The following GAS2 variants were observed in gnomAD, a reference collection of about 807,000 sequenced individuals.
GAS2 encodes the protein growth arrest specific 2.
Under a neutral mutation model 37.5 loss-of-function variants are expected in GAS2, and 20 were observed. The ratio of observed to expected loss-of-function variants is 0.53; its 90% confidence interval spans 0.37 to 0.77. The LOEUF is 0.77. Ranked by LOEUF, GAS2 falls within the 30% of genes least tolerant of loss-of-function variation. GAS2 has a pLI of 0.00. For missense variants in GAS2, 336 were observed against 373.4 expected, an observed-to-expected ratio of 0.90 and a Z score of 0.82; for synonymous variants, 144 against 132.2, an observed-to-expected ratio of 1.09 and a Z score of -0.61.
intron 3 of GAS2, among the ~76,000 whole-genome samples, chr11:22,714,726 A>G (rs1185994418): frequency 6.6e-6 from 1 of 152,240 alleles, no homozygotes; most frequent in Non-Finnish European, 1.5e-5. Context: ...TTAAAGCTAT[A>G]CAAATACATG....
At chr11:22,694,481 C>T (rs935439383) in intron 3 of GAS2, among the ~76,000 whole-genome samples, 2 of 152,116 alleles carry the variant, frequency 1.3e-5, no homozygotes, top group Non-Finnish European at 2.9e-5. Flanking sequence ...TATTCTTCAC[C>T]CTTTAGTGAA....
chr11:22,798,482 G>A (rs915078751), intron 7 of GAS2, among the ~76,000 whole-genome samples: 2 of 151,950 alleles, frequency 1.3e-5, no homozygotes, highest in Non-Finnish European at 2.9e-5. Flanking sequence ...CTTCTGCTCT[G>A]TTTACTGTTA....
intron 3 of GAS2, among the ~76,000 whole-genome samples, chr11:22,719,953 A>G (rs11827804): frequency 0.014 from 2,114 of 152,168 alleles, 35 homozygotes; most frequent in African/African-American, 0.038. Flanking sequence ...TTATTTACAT[A>G]GTAACTTTTA....
intron 7 of GAS2, among the ~76,000 whole-genome samples, chr11:22,758,889 GACA>G (rs1308870655): frequency 1.4e-3 from 108 of 76,440 alleles, no homozygotes; most frequent in African/African-American, 4.3e-3. Flanking sequence ...CTCCAGCCTG[GACA>G]ACAAGAGCAA....
chr11:22,753,824 T>C (rs1254677828), intron 6 of GAS2, among the ~76,000 whole-genome samples: 3 of 152,114 alleles, frequency 2.0e-5, no homozygotes, highest in Non-Finnish European at 4.4e-5. Flanking sequence ...TAAACACATA[T>C]AGAAAGAGAT....
chr11:22,756,032 G>T (rs1854016766), intron 7 of GAS2, 79 bp downstream of exon 7: 1 of 976,944 alleles, frequency 1.0e-6, no homozygotes, highest in South Asian at 1.5e-5. Flanking sequence ...ACAGATAAGA[G>T]CAGGAACTTC....
At chr11:22,762,978 A>G (rs1022359518) in intron 7 of GAS2, among the ~76,000 whole-genome samples, 1 of 152,138 alleles carries the variant, frequency 6.6e-6, no homozygotes, top group African/African-American at 2.4e-5. Flanking sequence ...GCAGAACTTC[A>G]CAGTTGGATA....
At chr11:22,758,207 C>T (rs1383187079) in intron 7 of GAS2, among the ~76,000 whole-genome samples, 1 of 152,114 alleles carries the variant, frequency 6.6e-6, no homozygotes, top group Non-Finnish European at 1.5e-5. Context: ...CCTTGAACAC[C>T]TGGATTAAGT....
chr11:22,715,884 A>G (rs960172237), intron 3 of GAS2, among the ~76,000 whole-genome samples: 1 of 151,938 alleles, frequency 6.6e-6, no homozygotes, highest in African/African-American at 2.4e-5. Flanking sequence ...AGGAAAGAAC[A>G]TAACAAAAAA....
intron 3 of GAS2, among the ~76,000 whole-genome samples, chr11:22,694,234 A>G (rs758020470): frequency 5.3e-5 from 8 of 152,126 alleles, no homozygotes; most frequent in Non-Finnish European, 1.2e-4. Flanking sequence ...TGATTAATAA[A>G]CCATAATCAG....
chr11:22,792,342 TCTA>T (rs1453426485), intron 7 of GAS2, among the ~76,000 whole-genome samples: 1 of 152,216 alleles, frequency 6.6e-6, no homozygotes, highest in Non-Finnish European at 1.5e-5. Context: ...CACATTTTTC[TCTA>T]CTACCTGTGT....
At chr11:22,656,549 A>G (rs555775379) in intron 1 of GAS2, among the ~76,000 whole-genome samples, 1 of 152,372 alleles carries the variant, frequency 6.6e-6, no homozygotes, top group East Asian at 1.9e-4. Context: ...GAATTACTGG[A>G]GCTTAAGAAA....
chr11:22,711,703 G>A (rs1039841121), intron 3 of GAS2, among the ~76,000 whole-genome samples: 2 of 152,188 alleles, frequency 1.3e-5, no homozygotes, highest in Admixed American at 6.5e-5. Context: ...TGGCTATGTG[G>A]CATCTGGGTG....
chr11:22,644,077 G>A (rs954315913), intron 1 of GAS2, among the ~76,000 whole-genome samples: 1 of 152,014 alleles, frequency 6.6e-6, no homozygotes, highest in Non-Finnish European at 1.5e-5. Context: ...TACATTACCT[G>A]CATGTAGATA....
At chr11:22,633,526 C>T (rs1858774266) in intron 1 of GAS2, among the ~76,000 whole-genome samples, 1 of 152,166 alleles carries the variant, frequency 6.6e-6, no homozygotes, top group Non-Finnish European at 1.5e-5. Context: ...GTATTTTATT[C>T]ACTGGGTTGA....
At chr11:22,646,202 T>A (rs1044089825) in intron 1 of GAS2, among the ~76,000 whole-genome samples, 3 of 152,082 alleles carry the variant, frequency 2.0e-5, no homozygotes, top group Non-Finnish European at 4.4e-5. Flanking sequence ...TATCTGTAAT[T>A]CTGTATAATG....
intron 1 of GAS2, among the ~76,000 whole-genome samples, chr11:22,673,018 T>C (rs772307001): frequency 4.6e-5 from 7 of 152,170 alleles, no homozygotes; most frequent in African/African-American, 1.4e-4. Flanking sequence ...TGGTTGACTT[T>C]AGATAGATAT....
intron 3 of GAS2, among the ~76,000 whole-genome samples, chr11:22,713,745 A>ATGAGAGATAAAG (rs1851524656): frequency 6.6e-6 from 1 of 152,164 alleles, no homozygotes; most frequent in Non-Finnish European, 1.5e-5. Context: ...AATCTTGTAC[A>ATGAGAGATAAAG]CAGCAAACTA....
Position 22,726,336 on chromosome 11 carries a change from G to T in GAS2, c.312G>T (p.Ser104=). 1 of 1,612,348 alleles carries T rather than the reference G, an allele frequency of 6.2e-7. No homozygotes were observed. The highest frequency in any genetic ancestry group is 8.5e-7 in the Non-Finnish European group (1 of 1,179,242). Residue 104 remains serine, a synonymous_variant, in exon 4 of 8, where the codon TCG becomes TCT. Coordinates refer to ENST00000454584, the MANE Select transcript of GAS2 (RefSeq NM_001143830.3). The part of the protein sequence containing the change: ...KKIPCKTSAP[S]GSFFARDNTA... ...TCCCATGCAAAACCAGTGCACCCTC[G>T]GGCTCCTTTTTTGCCAGAGACAATA... is the stretch of plus-strand genomic sequence containing the variant.
Sources: allele counts gnomAD v4.1 joint callset (sites outside exome capture counted in the v4.1 genomes callset), GRCh38; gene constraint gnomAD v4.1.1; transcripts MANE v1.5; gene names NCBI Gene and HGNC (gene_info 2026-07-23, HGNC 2026-07-21).